Variants in PLEKHG2 observed in about 807,000 individuals in gnomAD.
PLEKHG2 encodes pleckstrin homology and RhoGEF domain containing G2.
A neutral mutation model predicts 104.4 loss-of-function variants in PLEKHG2; 71 were observed. The observed-to-expected ratio is 0.68, with a 90% CI of 0.56 to 0.83. The LOEUF is 0.83. PLEKHG2 is among the 40% of genes least tolerant of loss of function. PLEKHG2 has a pLI of 0.00. For synonymous variants in PLEKHG2, 728 were observed against 737.0 expected (o/e 0.99, Z 0.20); for missense variants, 1,730 against 1,809.4 (o/e 0.96, Z 0.80).
Position 39,415,085 on chromosome 19 carries a change from C to G in PLEKHG2, c.203C>G (p.Pro68Arg). The stretch of plus-strand genomic sequence containing the variant: ...TCTGAGGGGGATCCAGCCCCTGGGC[C>G]CACTCCAGCCTGCTCAGCCTCCAGG... ...VGSEGDPAPG[P>R]TPACSASRPE... The change falls in exon 3 of 19, where the codon CCC (proline) becomes CGC (arginine). Residue 68 changes from proline (P) to arginine (R), a missense_variant. Transcript: ENST00000425673. The surrounding 1 kb of genome is among the most constrained non-coding windows in gnomAD (Gnocchi z 4.6). 1 of 1,591,906 alleles carries G rather than the reference C, an allele frequency of 6.3e-7. No individual in the cohort carries two copies. Among genetic ancestry groups the G allele is most frequent in the East Asian group, 2.3e-5 (1 of 43,300 alleles).
intron 8 of PLEKHG2, 47 bp from the exon 9 acceptor site, chr19:39,417,858 C>G: frequency 6.6e-7 from 1 of 1,513,008 alleles, no homozygotes. Context: ...GTGCCACCTA[C>G]CCATGCTTGT....
chr19:39,417,824 C>A (rs998475954), intron 8 of PLEKHG2, 81 bp from the exon 9 acceptor site: 17 of 1,495,850 alleles, frequency 1.1e-5, no homozygotes, highest in African/African-American at 2.8e-5. Context: ...CTGTTGCTAA[C>A]CCCCTGTTTT....
At position 39,417,727 on chromosome 19, in the gene PLEKHG2, G is replaced by C. The variant is rs902592011; in HGVS notation, c.882+35G>C. The C allele has an allele frequency of 6.9e-6, 11 of 1,600,336 alleles. No homozygotes were observed. The African/African-American group carries it at 1.5e-4, about 21-fold the overall frequency. ...GGGTGGGCTGGGGCTTGCTGGATGAGGGAGTGAGCGAGGGGGCCTTGGGGC... is the reference window on the plus strand; with the variant it reads ...GGGTGGGCTGGGGCTTGCTGGATGACGGAGTGAGCGAGGGGGCCTTGGGGC... On this transcript the variant is annotated intron_variant, in intron 8 of 18. Transcript: ENST00000425673.
intron 8 of PLEKHG2, 29 bp downstream of exon 8, chr19:39,417,721 G>T: frequency 6.2e-7 from 1 of 1,602,096 alleles, no homozygotes; most frequent in South Asian, 1.1e-5. Context: ...GGGGCTTGCT[G>T]GATGAGGGAG....
intron 11 of PLEKHG2, 55 bp from the exon 12 acceptor site, chr19:39,420,571 T>C: frequency 6.2e-7 from 1 of 1,611,452 alleles, no homozygotes; most frequent in Non-Finnish European, 8.5e-7. Context: ...TAAAGTATCC[T>C]CTCTGTGGTA....
chr19:39,422,431 G>GC, intron 17 of PLEKHG2, 143 bp downstream of exon 17: 1 of 990,764 alleles, frequency 1.0e-6, no homozygotes, highest in Admixed American at 3.2e-5. Context: ...AGGCTGGAGT[G>GC]CAGTGGCGCC....
At position 39,415,453 on chromosome 19, in the gene PLEKHG2, G is replaced by A; in HGVS notation, c.479+14G>A. 1.9e-6 allele frequency: 3 copies of A among 1,613,398 alleles called. No individual in the cohort carries two copies. The highest frequency in any genetic ancestry group is 1.1e-5 in the South Asian group (1 of 91,020). On this transcript the variant is annotated intron_variant, in intron 4 of 18. Transcript: ENST00000425673. The surrounding 1 kb of genome is among the most constrained non-coding windows in gnomAD (Gnocchi z 4.6). Reference sequence around the variant, plus strand: ...CGAGTTCAGCAGGTCAGGGGCAGGGGGGACAGGCAGGGGGCATTGATTGGT... The same window carrying A: ...CGAGTTCAGCAGGTCAGGGGCAGGGAGGACAGGCAGGGGGCATTGATTGGT...
chr19:39,418,873 G>C, intron 10 of PLEKHG2, 44 bp from the exon 11 acceptor site: 1 of 1,596,344 alleles, frequency 6.3e-7, no homozygotes, highest in South Asian at 1.1e-5. Context: ...CCAGCCTCGA[G>C]ACCTCACACC....
intron 16 of PLEKHG2, 30 bp from the exon 17 acceptor site, chr19:39,422,085 C>T (rs752340985): frequency 2.0e-5 from 32 of 1,587,830 alleles, no homozygotes; most frequent in Admixed American, 3.6e-5. Context: ...AGTCTTGGCT[C>T]TTGCCTTCCA....
chr19:39,423,772 T>C lies in PLEKHG2; in HGVS notation c.2639T>C (p.Leu880Pro), dbSNP rs1296371611. ...PAFGHVLVCE[L>P]AFPLTCAQES... is the part of the protein sequence containing the mutation. ...TTTGGACACGTGCTGGTATGTGAGC[T>C]GGCCTTCCCACTGACATGTGCCCAG... The change falls in exon 19 of 19, where the codon CTG (leucine) becomes CCG (proline). Residue 880 changes from leucine to proline, a missense_variant. Transcript: ENST00000425673. 1.9e-6 allele frequency: 3 copies of C among 1,613,776 alleles called. No individual in the cohort carries two copies. Among genetic ancestry groups the C allele is most frequent in the East Asian group, 2.2e-5 (1 of 44,880 alleles).
At position 39,416,307 on chromosome 19, in the gene PLEKHG2, G is replaced by C. The variant is rs780380737; in HGVS notation, c.480-41G>C. 5 of 1,606,972 alleles carry C rather than the reference G, an allele frequency of 3.1e-6. No individual in the cohort carries two copies. The highest frequency in any genetic ancestry group is 2.7e-5 in the African/African-American group (2 of 74,726). Reference sequence around the variant, plus strand: ...CCTGGAGGCCTCCCATGGAGGGGTCGTGAAGGCAGGCGGTTCCTCACCCTC... The same window carrying C: ...CCTGGAGGCCTCCCATGGAGGGGTCCTGAAGGCAGGCGGTTCCTCACCCTC... On this transcript the variant is annotated intron_variant, in intron 4 of 18. Transcript: ENST00000425673. The surrounding 1 kb of genome is among the most constrained non-coding windows in gnomAD (Gnocchi z 4.5).
Position 39,414,322 on chromosome 19 carries a change from G to A in PLEKHG2, c.109+127G>A. On this transcript the variant is annotated intron_variant, in intron 2 of 18. Coordinates refer to ENST00000425673, the MANE Select transcript of PLEKHG2 (RefSeq NM_022835.3). Reference sequence around the variant, plus strand: ...AGCTCCGAGTCTGGTGGGGAAGGCGGGCCCATCCCCAGGCAATGACAGGCC... The same window carrying A: ...AGCTCCGAGTCTGGTGGGGAAGGCGAGCCCATCCCCAGGCAATGACAGGCC... 4.1e-6 allele frequency: 4 copies of A among 975,354 alleles called. No individual in the cohort carries two copies. In the South Asian group the frequency reaches 6.2e-5, roughly 15 times the overall value. 60.4% of individuals were successfully genotyped at this position (975,354 alleles called of 1,614,324 possible).
Position 39,422,197 on chromosome 19 carries a change from A to T in PLEKHG2, c.1586A>T (p.Asp529Val). Residue 529 changes from aspartate (D) to valine (V), a missense_variant, in exon 17 of 19, where the codon GAT becomes GTT. Transcript: ENST00000425673. ...TCTGCACCCCCTGAGGACCTGGAGG[A>T]TGCTGGACCCCCAACACTGGACCCC... is the stretch of plus-strand genomic sequence containing the variant. ...SGSAPPEDLE[D>V]AGPPTLDPSG... 2 of 1,613,880 alleles carry T rather than the reference A, an allele frequency of 1.2e-6. No homozygotes were observed. The highest frequency in any genetic ancestry group is 1.1e-5 in the South Asian group (1 of 91,044).
At position 39,425,387 on chromosome 19, in the gene PLEKHG2, C is replaced by T. The variant is rs1389520878; in HGVS notation, c.*93C>T. ...TGGAAGTCCAGACACTGAACGCAGG[C>T]CTCAAAACTGCTGCGGCCTTCCAAC... On this transcript the variant is annotated 3_prime_UTR_variant, in exon 19 of 19. Transcript: ENST00000425673. 6.7e-7 allele frequency: 1 copy of T among 1,486,988 alleles called. No individual in the cohort carries two copies. Among genetic ancestry groups the T allele is most frequent in the South Asian group, 1.4e-5 (1 of 72,460 alleles). The allele number at this position is 1,486,988 out of a possible 1,614,324, so 92.1% of individuals were successfully genotyped here. A position where few individuals can be genotyped will look rare whatever the true frequency, so the allele number is the denominator to read the frequency against.
Position 39,417,574 on chromosome 19 carries a change from C to T in PLEKHG2, c.764C>T (p.Ala255Val), listed in dbSNP as rs73033371. The T allele has an allele frequency of 0.052, 84,608 of 1,613,990 alleles. 2,723 individuals are homozygous for T. The highest frequency in any genetic ancestry group is 0.064 in the Non-Finnish European group (75,678 of 1,179,946). The change falls in exon 8 of 19, where the codon GCG becomes GTG. Residue 255 changes from alanine to valine, a missense_variant. Coordinates refer to ENST00000425673, the MANE Select transcript of PLEKHG2 (RefSeq NM_022835.3). ...TGACAGGAACTAGGGAAGCACTGGGCGGAGGGCCCAGGCACTGGGGGTCGC... is the reference window on the plus strand; with the variant it reads ...TGACAGGAACTAGGGAAGCACTGGGTGGAGGGCCCAGGCACTGGGGGTCGC... ...LLLQELGKHW[A>V]EGPGTGGREM...
At position 39,422,927 on chromosome 19, in the gene PLEKHG2, G is replaced by T. The variant is rs2078722757; in HGVS notation, c.1873G>T (p.Glu625Ter). Reference sequence around the variant, plus strand: ...AGGGCTCGAAAGTTCCATTGCAGCTGAAATGCCCAGCATTCCCTGCCTTAC... The same window carrying T: ...AGGGCTCGAAAGTTCCATTGCAGCTTAAATGCCCAGCATTCCCTGCCTTAC... ...LEGLESSIAA[E>*]MPSIPCLTKI... Residue 625 changes from glutamate (E) to a stop codon, truncating the protein, a stop_gained, in exon 18 of 19, where the codon GAA (glutamate) becomes TAA (stop). Coordinates refer to ENST00000425673, the MANE Select transcript of PLEKHG2 (RefSeq NM_022835.3). LOFTEE classifies it high-confidence loss of function. 6.2e-7 allele frequency: 1 copy of T among 1,612,282 alleles called. No homozygotes were observed. The highest frequency in any genetic ancestry group is 1.3e-5 in the African/African-American group (1 of 74,918).
intron 7 of PLEKHG2, 62 bp from the exon 8 acceptor site, chr19:39,417,493 C>T (rs2078625007): frequency 1.1e-5 from 17 of 1,580,336 alleles, no homozygotes; most frequent in Admixed American, 1.8e-5. Context: ...CTGTTATTCT[C>T]ATTCTCTTTC....
chr19:39,418,004 C>T lies in PLEKHG2; in HGVS notation c.982C>T (p.Pro328Ser). 6.4e-7 allele frequency: 1 copy of T among 1,556,528 alleles called. No individual in the cohort carries two copies. The highest frequency in any genetic ancestry group is 8.7e-7 in the Non-Finnish European group (1 of 1,153,252). ...GTTCCGAGGAGGCGGAGGGGGTGGCCCCCGGCTACGAGGGGGTGAGCGGCT... is the reference window on the plus strand; with the variant it reads ...GTTCCGAGGAGGCGGAGGGGGTGGCTCCCGGCTACGAGGGGGTGAGCGGCT... ...GAFRGGGGGG[P>S]RLRGGERLLF... The change falls in exon 9 of 19, where the codon CCC (proline) becomes TCC (serine). Residue 328 changes from proline to serine, a missense_variant. By Grantham distance (74) the Pro-to-Ser change is moderately conservative (BLOSUM62 -1). Transcript: ENST00000425673.
At position 39,423,807 on chromosome 19, in the gene PLEKHG2, C is replaced by A. The variant is rs777278321; in HGVS notation, c.2674C>A (p.Pro892Thr). 1.2e-6 allele frequency: 2 copies of A among 1,614,198 alleles called. No individual in the cohort carries two copies. Among genetic ancestry groups the A allele is most frequent in the Non-Finnish European group, 1.7e-6 (2 of 1,180,040 alleles). The change falls in exon 19 of 19, where the codon CCC becomes ACC. Residue 892 changes from proline to threonine, a missense_variant. Pro to Thr is a conservative substitution (Grantham distance 38). Coordinates refer to ENST00000425673, the MANE Select transcript of PLEKHG2 (RefSeq NM_022835.3). ...FPLTCAQESVPLGPAVWVQAA... is the reference protein window; with the variant it reads ...FPLTCAQESVTLGPAVWVQAA... ...ACTGACATGTGCCCAGGAGTCTGTC[C>A]CCCTGGGTCCTGCTGTCTGGGTTCA... is the stretch of plus-strand genomic sequence containing the variant.
Sources: allele counts gnomAD v4.1 joint callset, GRCh38; gene constraint gnomAD v4.1.1; non-coding constraint Gnocchi (gnomAD v3.1); transcripts MANE v1.5; gene names NCBI Gene and HGNC (gene_info 2026-07-23, HGNC 2026-07-21).